SPDYE18: variants seen among roughly 807,000 people sequenced by gnomAD.
SPDYE18 encodes the protein speedy protein E18.
SPDYE18 carries 6 observed loss-of-function variants against 44.9 expected under a neutral mutation model. The ratio of observed to expected loss-of-function variants is 0.13; its 90% CI spans 0.07 to 0.26. SPDYE18 has a LOEUF of 0.26. Among genes scored for constraint, SPDYE18 ranks in the 10% least tolerant of loss-of-function variants. The pLI, the probability that SPDYE18 is intolerant of heterozygous loss-of-function variation, is 1.00. For synonymous variants in SPDYE18, 35 were observed against 177.1 expected, an observed-to-expected ratio of 0.20 and a Z score of 6.37; for missense variants, 121 against 463.2, an observed-to-expected ratio of 0.26 and a Z score of 6.78.
In SPDYE18 at chr7:77,060,362, C is replaced by G. The variant is rs1159805641; in HGVS notation, c.151G>C (p.Gly51Arg). 2.0e-6 allele frequency: 3 copies of G among 1,535,324 alleles called. No individual in the cohort carries two copies. Among genetic ancestry groups the G allele is most frequent in the African/African-American group, 2.7e-5 (2 of 72,912 alleles). ...LQEVVDDEVL[G>R]PSAPGVDPSP... ...CCACCAGTCCCCTCACCTGATGGTC[C>G]CAACACTTCATCATCCACCACCTCC... is the stretch of plus-strand genomic sequence containing the variant. The change falls in exon 2 of 9, where the codon GGA becomes CGA. Residue 51 changes from glycine to arginine, a missense_variant. Coordinates refer to ENST00000510091, the MANE Select transcript of SPDYE18 (RefSeq NM_001394953.1).
chr7:77,053,714 CGT>C (rs1789861672), intron 6 of SPDYE18, among the ~76,000 whole-genome samples: 1 of 152,046 alleles, frequency 6.6e-6, no homozygotes, highest in South Asian at 2.1e-4. Context: ...GTGGCACACC[CGT>C]TAGGCCTAGC....
intron 1 of SPDYE18, among the ~76,000 whole-genome samples, 42 bp from the exon 2 acceptor site, chr7:77,060,975 A>C (rs1421163946): frequency 2.8e-5 from 4 of 142,322 alleles, no homozygotes; most frequent in Non-Finnish European, 6.2e-5. Context: ...AACTAGGGTA[A>C]GCAGAAATGA....
At position 77,053,096 on chromosome 7, in the gene SPDYE18, C is replaced by A. The variant is rs1307026086; in HGVS notation, c.863G>T (p.Arg288Leu). ...GTTCAAGCAACGGCATAACTGGAAC[C>A]GACGGTTACGGACCAAGGGTATGCG... ...RSRIPLVRNR[R>L]FQLCRCLNPR... The change falls in exon 7 of 9, where the codon CGG (arginine) becomes CTG (leucine). Residue 288 changes from arginine (R) to leucine (L), a missense_variant. Transcript: ENST00000510091. 1.2e-6 allele frequency: 2 copies of A among 1,614,126 alleles called. No homozygotes were observed. The highest frequency in any genetic ancestry group is 2.7e-5 in the African/African-American group (2 of 74,960).
chr7:77,061,880 C>A, intron 1 of SPDYE18, among the ~76,000 whole-genome samples: 1 of 94,980 alleles, frequency 1.1e-5, no homozygotes. Context: ...GTAATCCCAG[C>A]ACTTTGGGAG....
At position 77,060,092 on chromosome 7, in the gene SPDYE18, C is replaced by T. The variant is rs1219429034; in HGVS notation, c.160+261G>A. Among the ~76,000 whole-genome samples the T allele has an allele frequency of 3.5e-5, 5 of 143,866 alleles. No homozygotes were observed. In the Admixed American group the frequency reaches 3.5e-4, roughly 10 times the overall value. 94.4% of individuals were successfully genotyped at this position (143,866 alleles called of 152,430 possible). The stretch of plus-strand genomic sequence containing the variant: ...CTCACTGCAACCTCTTCCTCCCAGT[C>T]TCAAGTGATTCTCCTGTCTCAGCCT... On this transcript the variant is annotated intron_variant, in intron 2 of 8. Transcript: ENST00000510091.
At position 77,050,446 on chromosome 7, in the gene SPDYE18, C is replaced by T. The variant is rs1452113759; in HGVS notation, c.*1479G>A. Reference sequence around the variant, plus strand: ...ATTTTTATTATGTTTCCACAAGAGACGCACTCTATTGTTCTCTTGAAAACA... The same window carrying T: ...ATTTTTATTATGTTTCCACAAGAGATGCACTCTATTGTTCTCTTGAAAACA... On this transcript the variant is annotated 3_prime_UTR_variant, in exon 9 of 9. Transcript: ENST00000510091. 6.6e-5 allele frequency among the ~76,000 whole-genome samples: 10 copies of T among 152,210 alleles called. No individual in the cohort carries two copies. The highest frequency in any genetic ancestry group is 1.3e-4 in the Non-Finnish European group (9 of 68,046).
intron 1 of SPDYE18, among the ~76,000 whole-genome samples, chr7:77,062,161 G>A (rs1447297222): frequency 1.4e-5 from 2 of 143,422 alleles, no homozygotes; most frequent in South Asian, 2.5e-4. Context: ...GTTCCCACAC[G>A]TTTTCCTAAT....
chr7:77,061,117 A>G (rs1790015781), intron 1 of SPDYE18, among the ~76,000 whole-genome samples, 184 bp from the exon 2 acceptor site: 1 of 108,816 alleles, frequency 9.2e-6, no homozygotes, highest in Non-Finnish European at 1.8e-5. Context: ...TGAAAAAGTC[A>G]CATCAGAGCA....
chr7:77,058,501 CTT>C (rs1158671945), intron 3 of SPDYE18, among the ~76,000 whole-genome samples: 10 of 56,098 alleles, frequency 1.8e-4, no homozygotes, highest in East Asian at 6.4e-4. Context: ...TTCCTTCCTT[CTT>C]TTTTTTTTTT....
In SPDYE18 at chr7:77,060,611, T is replaced by C; in HGVS notation, c.-99A>G. 3 of 1,519,544 alleles carry C rather than the reference T, an allele frequency of 2.0e-6. No homozygotes were observed. Among genetic ancestry groups the C allele is most frequent in the South Asian group, 2.4e-5 (2 of 82,528 alleles). The allele number at this position is 1,519,544 out of a possible 1,614,324, so 94.1% of individuals were successfully genotyped here. ...GGAGAACAGCTCTGAGAAGATACTGTTGTCCAACTGATCTCCAGGCACCAC... is the reference window on the plus strand; with the variant it reads ...GGAGAACAGCTCTGAGAAGATACTGCTGTCCAACTGATCTCCAGGCACCAC... On this transcript the variant is annotated 5_prime_UTR_variant, in exon 2 of 9. Coordinates refer to ENST00000510091, the MANE Select transcript of SPDYE18 (RefSeq NM_001394953.1).
In SPDYE18 at chr7:77,060,902, C is replaced by T. The variant is rs1437837564; in HGVS notation, c.-390G>A. 4.0e-5 allele frequency among the ~76,000 whole-genome samples: 6 copies of T among 149,630 alleles called. No individual in the cohort carries two copies. The highest frequency in any genetic ancestry group is 1.2e-4 in the African/African-American group (5 of 40,452). On this transcript the variant is annotated 5_prime_UTR_variant, in exon 2 of 9. An upstream start codon of the reference 5' UTR is lost. Transcript: ENST00000510091. The stretch of plus-strand genomic sequence containing the variant: ...AGCCTGAAGCATGTTGGGGTCTCTT[C>T]ATCTCTGTACATGCCCATTTCAGAG...
Position 77,052,958 on chromosome 7 carries a change from A to C in SPDYE18, c.999+2T>G. ...TCCTCCACCTCCCCAGGCCCCACTC[A>C]CCTCCTCCAACTCCTCCCGGGAAAC... On this transcript the variant is annotated splice_donor_variant, in intron 7 of 8. Coordinates refer to ENST00000510091, the MANE Select transcript of SPDYE18 (RefSeq NM_001394953.1). LOFTEE classifies it high-confidence loss of function. 1 of 1,607,190 alleles carries C rather than the reference A, an allele frequency of 6.2e-7. No homozygotes were observed.
chr7:77,059,938 C>T (rs1040969107), intron 2 of SPDYE18, among the ~76,000 whole-genome samples: 1 of 150,234 alleles, frequency 6.7e-6, no homozygotes, highest in East Asian at 2.0e-4. Flanking sequence ...GTGTGAGCCA[C>T]TGCACCCAGC....
intron 1 of SPDYE18, among the ~76,000 whole-genome samples, chr7:77,062,100 C>T (rs1034216575): frequency 5.0e-5 from 7 of 138,960 alleles, no homozygotes; most frequent in African/African-American, 1.6e-4. Flanking sequence ...TGTGCTCCAG[C>T]CTGGGCAACA....
intron 8 of SPDYE18, among the ~76,000 whole-genome samples, chr7:77,052,298 C>G (rs1208185235): frequency 6.6e-6 from 1 of 152,052 alleles, no homozygotes; most frequent in Non-Finnish European, 1.5e-5. Flanking sequence ...ATCCTTAATC[C>G]TACCTCCTCA....
chr7:77,057,128 TG>T (rs1187118840), intron 4 of SPDYE18, among the ~76,000 whole-genome samples: 1 of 152,296 alleles, frequency 6.6e-6, no homozygotes, highest in East Asian at 1.9e-4. Context: ...TCTTGCTCTG[TG>T]GGCCAGGCTG....
At chr7:77,052,123 A>C (rs370798998) in intron 8 of SPDYE18, among the ~76,000 whole-genome samples, 22 of 140,798 alleles carry the variant, frequency 1.6e-4, no homozygotes, top group Non-Finnish European at 1.5e-5. Flanking sequence ...GCTTCATAGC[A>C]AGGACTTTGG....
chr7:77,058,999 G>A (rs536701680), intron 3 of SPDYE18, among the ~76,000 whole-genome samples, 181 bp downstream of exon 3: 1 of 152,046 alleles, frequency 6.6e-6, no homozygotes, highest in South Asian at 2.1e-4. Flanking sequence ...CCTTTATCAA[G>A]TCTAGCCTAG....
intron 3 of SPDYE18, among the ~76,000 whole-genome samples, chr7:77,058,827 C>G (rs1456330920): frequency 5.3e-5 from 8 of 152,082 alleles, no homozygotes; most frequent in Non-Finnish European, 1.0e-4. Flanking sequence ...GGGTTTTGCT[C>G]TGTCACCCAG....
Sources: gnomAD v4.1 joint callset for allele counts (sites outside exome capture counted in the v4.1 genomes callset) on GRCh38, gnomAD v4.1.1 for gene constraint, MANE v1.5 for transcripts, NCBI Gene and HGNC (gene_info 2026-07-23, HGNC 2026-07-21) for gene names.